The following CTXND2 variants were observed in gnomAD, a reference collection of about 807,000 sequenced individuals.
CTXND2 encodes cortexin domain containing 2.
chr1:150,893,000 T>C (rs1456796265), intron 1 of CTXND2, among the ~76,000 whole-genome samples: 2 of 152,354 alleles, frequency 1.3e-5, no homozygotes, highest in African/African-American at 2.4e-5. Flanking sequence ...ACAAACATAG[T>C]ATATCCCTTC....
At chr1:150,902,711 C>T (rs1394563807) in intron 1 of CTXND2, among the ~76,000 whole-genome samples, 1 of 151,584 alleles carries the variant, frequency 6.6e-6, no homozygotes, top group Middle Eastern at 3.4e-3. Flanking sequence ...TTCACATACT[C>T]AAAAAATAAA....
chr1:150,901,386 A>G (rs1032006289), intron 1 of CTXND2, among the ~76,000 whole-genome samples: 2 of 152,160 alleles, frequency 1.3e-5, no homozygotes, highest in Non-Finnish European at 2.9e-5. Context: ...GTTTATAAAA[A>G]CTGACAAGCC....
rs587754770 is a variant in CTXND2 at position 150,899,173 on chromosome 1, G to A, written c.-74+11860G>A. The stretch of plus-strand genomic sequence containing the variant: ...AAACTCAAAAAGTCCAAGCATGGTG[G>A]CTCACGCCTGTAATCCCAGTGCCTT... On this transcript the variant is annotated intron_variant, in intron 1 of 1. Coordinates refer to ENST00000636087, the Ensembl canonical transcript of CTXND2. Among the ~76,000 whole-genome samples the A allele has an allele frequency of 1.9e-4, 29 of 152,038 alleles. No homozygotes were observed. The South Asian group carries it at 5.4e-3, about 28-fold the overall frequency.
chr1:150,903,941 G>A (rs1168258233), intron 1 of CTXND2: 2 of 648,088 alleles, frequency 3.1e-6, no homozygotes, highest in Non-Finnish European at 5.8e-6. Context: ...TCAGAAGTGT[G>A]CCCAGTGTCA....
At chr1:150,895,857 T>G (rs755641238) in intron 1 of CTXND2, among the ~76,000 whole-genome samples, 2 of 152,170 alleles carry the variant, frequency 1.3e-5, no homozygotes, top group Non-Finnish European at 2.9e-5. Context: ...GAGGCAGCAG[T>G]ATCCAATGAC....
At chr1:150,911,363 CTTTG>C (rs931501444) in intron 1 of CTXND2, among the ~76,000 whole-genome samples, 1 of 151,316 alleles carries the variant, frequency 6.6e-6, no homozygotes, top group African/African-American at 2.4e-5. Context: ...AGTCCTCTTA[CTTTG>C]TTTTTCTTTT....
At chr1:150,902,373 C>G (rs182677147) in intron 1 of CTXND2, among the ~76,000 whole-genome samples, 4 of 151,462 alleles carry the variant, frequency 2.6e-5, no homozygotes, top group Non-Finnish European at 5.9e-5. Context: ...GGCCACTGCA[C>G]TCAAGCCTGG....
At chr1:150,907,871 G>A (rs1425993870) in intron 1 of CTXND2, among the ~76,000 whole-genome samples, 3 of 151,912 alleles carry the variant, frequency 2.0e-5, no homozygotes, top group Admixed American at 6.6e-5. Context: ...CACCACGCCC[G>A]GCTAATTTTT....
chr1:150,908,867 T>C (rs923733760), intron 1 of CTXND2, among the ~76,000 whole-genome samples: 2 of 150,412 alleles, frequency 1.3e-5, no homozygotes, highest in Non-Finnish European at 3.0e-5. Context: ...CAAGTGATCC[T>C]CCCACCTCAT....
intron 1 of CTXND2, among the ~76,000 whole-genome samples, chr1:150,890,567 G>A (rs587669961): frequency 3.9e-5 from 6 of 152,178 alleles, no homozygotes; most frequent in African/African-American, 7.2e-5. Context: ...GCAACGGTAC[G>A]TTCTTGTCTC....
chr1:150,904,076 G>A (rs1426038041), intron 1 of CTXND2: 2 of 664,686 alleles, frequency 3.0e-6, no homozygotes, highest in Non-Finnish European at 5.7e-6. Flanking sequence ...CATCATCTGG[G>A]GAGAGGATAC....
At chr1:150,910,509 T>A (rs1431849778) in intron 1 of CTXND2, among the ~76,000 whole-genome samples, 1 of 152,284 alleles carries the variant, frequency 6.6e-6, no homozygotes, top group Admixed American at 6.5e-5. Flanking sequence ...AACTTAATTC[T>A]TTTGCATGTG....
chr1:150,907,448 T>G (rs1484577824), intron 1 of CTXND2, among the ~76,000 whole-genome samples: 1 of 152,250 alleles, frequency 6.6e-6, no homozygotes, highest in Non-Finnish European at 1.5e-5. Flanking sequence ...GACTTGTTTC[T>G]TTCACTCAGC....
chr1:150,903,331 T>A (rs1669076705), intron 1 of CTXND2, among the ~76,000 whole-genome samples: 1 of 152,076 alleles, frequency 6.6e-6, no homozygotes, highest in Admixed American at 6.6e-5. Flanking sequence ...CCCTCCCGCT[T>A]CCCACCCCTG....
intron 1 of CTXND2, among the ~76,000 whole-genome samples, chr1:150,900,354 C>T (rs1668987940): frequency 6.6e-6 from 1 of 152,070 alleles, no homozygotes. Flanking sequence ...ACCACAAACC[C>T]ACTGGAAGGA....
intron 1 of CTXND2, among the ~76,000 whole-genome samples, chr1:150,900,439 C>G (rs889157248): frequency 6.6e-6 from 1 of 152,228 alleles, no homozygotes; most frequent in African/African-American, 2.4e-5. Flanking sequence ...GTAACACTCA[C>G]CGTGAGGGTC....
chr1:150,907,049 C>G (rs1214939616), intron 1 of CTXND2, among the ~76,000 whole-genome samples: 1 of 152,164 alleles, frequency 6.6e-6, no homozygotes, highest in African/African-American at 2.4e-5. Flanking sequence ...TCACATTTTC[C>G]CCTTCCTTTC....
At chr1:150,893,820 T>G (rs1285698217) in intron 1 of CTXND2, among the ~76,000 whole-genome samples, 1 of 152,062 alleles carries the variant, frequency 6.6e-6, no homozygotes, top group Admixed American at 6.6e-5. Context: ...ACCCTAAGCA[T>G]GTGGGGGTTA....
At chr1:150,909,714 T>A (rs1669216243) in intron 1 of CTXND2, among the ~76,000 whole-genome samples, 1 of 151,964 alleles carries the variant, frequency 6.6e-6, no homozygotes. Flanking sequence ...ACACCAGGAG[T>A]TCGGTCTAGG....
Sources: allele counts gnomAD v4.1 joint callset (sites outside exome capture counted in the v4.1 genomes callset), GRCh38; gene constraint gnomAD v4.1.1; transcripts MANE v1.5; gene names NCBI Gene and HGNC (gene_info 2026-07-23, HGNC 2026-07-21).